Variants in NEDD9 observed in about 807,000 individuals in gnomAD.
The protein encoded by NEDD9 is neural precursor cell expressed, developmentally down-regulated 9.
A neutral mutation model predicts 76.6 loss-of-function variants in NEDD9; 26 were observed. The ratio of observed to expected loss-of-function variants is 0.34; its 90% CI spans 0.25 to 0.47. The LOEUF is 0.47. Among genes scored for constraint, NEDD9 ranks in the 20% least tolerant of loss-of-function variants. The pLI, the probability that NEDD9 is intolerant of heterozygous loss-of-function variation, is 1.00. For missense variants in NEDD9, 937 were observed against 1,058.5 expected, an observed-to-expected ratio of 0.89 and a Z score of 1.59; for synonymous variants, 392 against 414.2, an observed-to-expected ratio of 0.95 and a Z score of 0.65.
intron 3 of NEDD9, among the ~76,000 whole-genome samples, chr6:11,296,660 C>G (rs1760895882): frequency 5.3e-4 from 65 of 123,066 alleles, no homozygotes; most frequent in African/African-American, 2.0e-3. Context: ...CCTTCCTTTC[C>G]TTTCCTTTCC....
Position 11,338,167 on chromosome 6 carries a change from C to G in NEDD9, c.-213-3606G>C, listed in dbSNP as rs189555362. ...AAGTCACTAGAGCACACCCCTAATCCAATGACTGGTGTCCTTATAAAAGTG... is the reference window on the plus strand; with the variant it reads ...AAGTCACTAGAGCACACCCCTAATCGAATGACTGGTGTCCTTATAAAAGTG... On this transcript the variant is annotated intron_variant, in intron 1 of 3. Coordinates refer to the NEDD9 transcript ENST00000397378. Among the ~76,000 whole-genome samples the G allele has an allele frequency of 1.7e-4, 26 of 152,332 alleles. No individual in the cohort carries two copies. In the East Asian group the frequency reaches 4.8e-3, roughly 28 times the overall value.
At chr6:11,203,804 T>A (rs889908684) in intron 2 of NEDD9, among the ~76,000 whole-genome samples, 1 of 152,166 alleles carries the variant, frequency 6.6e-6, no homozygotes, top group East Asian at 1.9e-4. Flanking sequence ...AGTCCCTGCC[T>A]CCTTGTGTCC....
At position 11,214,316 on chromosome 6, in the gene NEDD9, A is replaced by T. The variant is rs1021967369; in HGVS notation, c.13-589T>A. 1.6e-5 allele frequency: 7 copies of T among 440,872 alleles called. No homozygotes were observed. In the Admixed American group the frequency reaches 1.7e-4, roughly 11 times the overall value. The allele number at this position is 440,872 out of a possible 1,614,324, so 27.3% of individuals were successfully genotyped here. ...TCCAGAGAGAATCCACAAGCAAGGC[A>T]TGTAGACATGCCATCAAGCGTGGAG... On this transcript the variant is annotated intron_variant, in intron 1 of 6. Transcript: ENST00000379446.
rs548280875 is a variant in NEDD9 at position 11,302,632 on chromosome 6, C to T, written c.12+3360G>A. On this transcript the variant is annotated intron_variant, in intron 3 of 3. Transcript: ENST00000397378. ...AAATCCTCAATAAAATACTGGCAAA[C>T]CGAATCCAGCAGCACATCAAAAAGC... Among the ~76,000 whole-genome samples, 16 of 152,272 alleles carry T rather than the reference C, an allele frequency of 1.1e-4. 1 individual carries two copies. Among genetic ancestry groups the T allele is most frequent in the African/African-American group, 3.6e-4 (15 of 41,566 alleles).
chr6:11,232,551 A>G lies in NEDD9; in HGVS notation c.-36T>C. ...GTGGGTTGAGCCGTTTTCCTACACT[A>G]GTTAAGACAGCATTAAGCACTGCGG... On this transcript the variant is annotated 5_prime_UTR_variant, in exon 1 of 7. Coordinates refer to ENST00000379446, the MANE Select transcript of NEDD9 (RefSeq NM_006403.4). The G allele has an allele frequency of 6.2e-7, 1 of 1,614,032 alleles. No individual in the cohort carries two copies. Among genetic ancestry groups the G allele is most frequent in the East Asian group, 2.2e-5 (1 of 44,906 alleles).
At chr6:11,279,871 T>C (rs1341241565) in intron 3 of NEDD9, among the ~76,000 whole-genome samples, 1 of 152,184 alleles carries the variant, frequency 6.6e-6, no homozygotes, top group Non-Finnish European at 1.5e-5. Flanking sequence ...TTGCGTTATC[T>C]TACCTTGAAA....
chr6:11,356,148 C>G (rs534363023), intron 1 of NEDD9, among the ~76,000 whole-genome samples: 1 of 152,312 alleles, frequency 6.6e-6, no homozygotes, highest in South Asian at 2.1e-4. Flanking sequence ...ATCTGCCTAA[C>G]ATTTGTTAGG....
chr6:11,183,935 C>A lies in NEDD9; in HGVS notation c.*1227G>T, dbSNP rs1394538160. On this transcript the variant is annotated 3_prime_UTR_variant, in exon 7 of 7. Transcript: ENST00000379446. ...ATGGCTTGTGGTGTCTGTGCTGTGT[C>A]AATACTAACAGATGTGAGGAGACAG... 2.0e-5 allele frequency: 3 copies of A among 152,120 alleles called. No homozygotes were observed. The highest frequency in any genetic ancestry group is 7.3e-5 in the African/African-American group (3 of 41,378). The allele number at this position is 152,120 out of a possible 1,614,324, so 9.4% of individuals were successfully genotyped here. A position where few individuals can be genotyped will look rare whatever the true frequency, so the allele number is the denominator to read the frequency against.
chr6:11,232,984 AAGCAGTCTGAC>A (rs1234826328), upstream of NEDD9, among the ~76,000 whole-genome samples: 3 of 152,108 alleles, frequency 2.0e-5, no homozygotes, highest in Non-Finnish European at 4.4e-5. Context: ...GAATTCACAA[AAGCAGTCTGAC>A]AGTCGCGCTT....
At chr6:11,330,485 G>A (rs1762012722) in intron 2 of NEDD9, among the ~76,000 whole-genome samples, 1 of 152,182 alleles carries the variant, frequency 6.6e-6, no homozygotes, top group African/African-American at 2.4e-5. Flanking sequence ...ATACACTGGG[G>A]GAGGTGGAGA....
intron 2 of NEDD9, among the ~76,000 whole-genome samples, chr6:11,319,423 C>G (rs1356862927): frequency 6.6e-6 from 1 of 151,766 alleles, no homozygotes; most frequent in African/African-American, 2.4e-5. Flanking sequence ...CATACAGTCA[C>G]ACATGCACAC....
chr6:11,237,765 C>G lies in NEDD9; in HGVS notation c.13-24038G>C, dbSNP rs1235932623. ...AAGAAAAAGTATTATTTGGTTGTCT[C>G]TAGAAGTTTGCCGACCCACACTCTA... On this transcript the variant is annotated intron_variant, in intron 3 of 3. Coordinates refer to the NEDD9 transcript ENST00000397378. This position sits in a 1 kb window ranked among gnomAD's most constrained non-coding sequence, Gnocchi z 4.9. 6.6e-6 allele frequency among the ~76,000 whole-genome samples: 1 copy of G among 152,126 alleles called. No homozygotes were observed. Among genetic ancestry groups the G allele is most frequent in the Non-Finnish European group, 1.5e-5 (1 of 68,036 alleles).
chr6:11,219,131 G>A (rs1016174419), intron 1 of NEDD9, among the ~76,000 whole-genome samples: 2 of 152,102 alleles, frequency 1.3e-5, no homozygotes, highest in South Asian at 4.1e-4. Context: ...TGACCAGAAC[G>A]CTGGTACAGA....
At chr6:11,227,848 T>C (rs1335407142) in intron 1 of NEDD9, among the ~76,000 whole-genome samples, 1 of 152,136 alleles carries the variant, frequency 6.6e-6, no homozygotes, top group East Asian at 1.9e-4. Flanking sequence ...TATAGGATGG[T>C]CCAGGAGACA....
At chr6:11,233,330 G>T (rs1759537485), upstream of NEDD9, 1 of 518,904 alleles carries the variant, frequency 1.9e-6, no homozygotes, top group Non-Finnish European at 3.8e-6. Context: ...CGTTTTCCTG[G>T]ACAGCTTCTC....
In NEDD9 at chr6:11,190,796, G is replaced by T; in HGVS notation, c.1073C>A (p.Ser358Tyr). ...PLHNPPDAKG[S>Y]RDLVDGINRL... ...GTTGATCCCATCCACCAAGTCCCGA[G>T]AGCCTTTAGCATCTGGCGGGTTATG... The change falls in exon 5 of 7, where the codon TCT (serine) becomes TAT (tyrosine). Residue 358 changes from serine (S) to tyrosine (Y), a missense_variant. Physicochemically the swap from Ser to Tyr is moderately radical, Grantham distance 144. Coordinates refer to ENST00000379446, the MANE Select transcript of NEDD9 (RefSeq NM_006403.4). The surrounding 1 kb of genome is among the most constrained non-coding windows in gnomAD (Gnocchi z 5.8). The T allele has an allele frequency of 6.2e-7, 1 of 1,614,152 alleles. No individual in the cohort carries two copies. Among genetic ancestry groups the T allele is most frequent in the Non-Finnish European group, 8.5e-7 (1 of 1,180,024 alleles).
chr6:11,318,305 C>G (rs764475385), intron 2 of NEDD9, among the ~76,000 whole-genome samples: 3 of 151,640 alleles, frequency 2.0e-5, no homozygotes, highest in Non-Finnish European at 2.9e-5. Context: ...TTCTGAGAAC[C>G]CTGAGTAATG....
intron 3 of NEDD9, chr6:11,305,056 T>C: frequency 1.6e-6 from 2 of 1,269,914 alleles, no homozygotes; most frequent in Non-Finnish European, 1.0e-6. Context: ...GCATTTCTTA[T>C]TATATTTACC....
At chr6:11,193,952 C>T (rs1298021157) in intron 2 of NEDD9, among the ~76,000 whole-genome samples, 1 of 151,852 alleles carries the variant, frequency 6.6e-6, no homozygotes, top group Non-Finnish European at 1.5e-5. Context: ...CTCTGCCTCC[C>T]GGGTTCAAGT....
Sources: allele counts gnomAD v4.1 joint callset (sites outside exome capture counted in the v4.1 genomes callset), GRCh38; gene constraint gnomAD v4.1.1; non-coding constraint Gnocchi (gnomAD v3.1); transcripts MANE v1.5; gene names NCBI Gene and HGNC (gene_info 2026-07-23, HGNC 2026-07-21).